Variants in ARHGAP42 observed in about 807,000 individuals in gnomAD.
The protein encoded by ARHGAP42 is Rho GTPase activating protein 42.
Under a neutral mutation model 125.0 loss-of-function variants are expected in ARHGAP42, and 63 were observed. The observed-to-expected ratio is 0.50, with a 90% CI of 0.41 to 0.62. ARHGAP42 has a LOEUF of 0.62. Ranked by LOEUF, ARHGAP42 falls within the 20% of genes least tolerant of loss-of-function variation. The pLI is 0.00. For synonymous variants in ARHGAP42, 339 were observed against 351.0 expected, an observed-to-expected ratio of 0.97 and a Z score of 0.38; for missense variants, 766 against 1,024.2, an observed-to-expected ratio of 0.75 and a Z score of 3.44.
At chr11:100,968,896 C>T (rs755059332) in intron 17 of ARHGAP42, among the ~76,000 whole-genome samples, 6 of 150,808 alleles carry the variant, frequency 4.0e-5, no homozygotes, top group Non-Finnish European at 7.4e-5. Flanking sequence ...TATATTTCTA[C>T]TCTTTTAATT....
chr11:100,894,261 A>C (rs574908545), intron 4 of ARHGAP42, among the ~76,000 whole-genome samples: 3 of 152,226 alleles, frequency 2.0e-5, no homozygotes, highest in Non-Finnish European at 4.4e-5. Flanking sequence ...AGTTGTAAAC[A>C]TAGTCTAGAC....
rs115204188 is a variant in ARHGAP42 at position 100,770,566 on chromosome 11, G to T, written c.250+128G>T. The stretch of plus-strand genomic sequence containing the variant: ...TGACAATACTATAAGAGTGATTTTA[G>T]GTTTCTATGGAAGAAATTTTTTCTT... On this transcript the variant is annotated intron_variant, in intron 2 of 23. Transcript: ENST00000298815. 3,202 of 721,260 alleles carry T rather than the reference G, an allele frequency of 4.4e-3. 75 individuals carry two copies. In the African/African-American group the frequency reaches 0.055, roughly 12 times the overall value. 44.7% of individuals were successfully genotyped at this position (721,260 alleles called of 1,614,324 possible). A position where few individuals can be genotyped will look rare whatever the true frequency, so the allele number is the denominator to read the frequency against.
chr11:100,871,948 G>A lies in ARHGAP42; in HGVS notation c.384+12323G>A, dbSNP rs193106239. On this transcript the variant is annotated intron_variant, in intron 4 of 23. Transcript: ENST00000298815. Reference sequence around the variant, plus strand: ...AGTAGAGATGAGGTTTCTCCATGTTGGTCAGGCTGGTCTCGAACTCCTGAC... The same window carrying A: ...AGTAGAGATGAGGTTTCTCCATGTTAGTCAGGCTGGTCTCGAACTCCTGAC... Among the ~76,000 whole-genome samples, 87 of 152,274 alleles carry A rather than the reference G, an allele frequency of 5.7e-4. 2 individuals carry two copies. In the East Asian group the frequency reaches 0.015, roughly 27 times the overall value.
At chr11:100,817,999 A>G (rs980153759) in intron 3 of ARHGAP42, among the ~76,000 whole-genome samples, 2 of 152,208 alleles carry the variant, frequency 1.3e-5, no homozygotes, top group African/African-American at 4.8e-5. Flanking sequence ...TTTGTGAAAC[A>G]GTAGTTTTGT....
At chr11:100,940,408 G>A (rs1056773654) in intron 8 of ARHGAP42, among the ~76,000 whole-genome samples, 9 of 152,064 alleles carry the variant, frequency 5.9e-5, no homozygotes, top group African/African-American at 1.4e-4. Context: ...CTCCATTTTC[G>A]ATCCACTCAG....
Position 100,849,872 on chromosome 11 carries a change from G to A in ARHGAP42, c.313-9682G>A, listed in dbSNP as rs1007792271. Reference sequence around the variant, plus strand: ...GACATAAACATCCCAAGTAAGTGTTGTTCCAGGGAAAGTGAACTAGGAAAA... The same window carrying A: ...GACATAAACATCCCAAGTAAGTGTTATTCCAGGGAAAGTGAACTAGGAAAA... On this transcript the variant is annotated intron_variant, in intron 3 of 23. Coordinates refer to ENST00000298815, the MANE Select transcript of ARHGAP42 (RefSeq NM_152432.4). Among the ~76,000 whole-genome samples, 6 of 152,112 alleles carry A rather than the reference G, an allele frequency of 3.9e-5. 1 individual carries two copies. Among genetic ancestry groups the A allele is most frequent in the Admixed American group, 3.9e-4 (6 of 15,268 alleles).
At chr11:100,931,409 A>G (rs946237453) in intron 6 of ARHGAP42, among the ~76,000 whole-genome samples, 11 of 152,228 alleles carry the variant, frequency 7.2e-5, no homozygotes, top group African/African-American at 2.2e-4. Flanking sequence ...GCTTCTGAAA[A>G]TATCAGTGTG....
At chr11:100,921,398 T>G (rs1867264065) in intron 5 of ARHGAP42, 96 bp from the exon 6 acceptor site, 2 of 934,570 alleles carry the variant, frequency 2.1e-6, no homozygotes, top group South Asian at 3.2e-5. Context: ...GTTAAACTTT[T>G]TGTAGGAGTT....
At chr11:100,858,922 AGT>A (rs1345092516) in intron 3 of ARHGAP42, among the ~76,000 whole-genome samples, 1 of 152,094 alleles carries the variant, frequency 6.6e-6, no homozygotes, top group Non-Finnish European at 1.5e-5. Context: ...CCATTGTAGT[AGT>A]CTTACAGATC....
At chr11:100,972,595 C>T (rs1858278656) in intron 17 of ARHGAP42, among the ~76,000 whole-genome samples, 1 of 151,976 alleles carries the variant, frequency 6.6e-6, no homozygotes, top group Non-Finnish European at 1.5e-5. Flanking sequence ...TGATCTATCC[C>T]AGGAGCTCAA....
chr11:100,775,653 T>A (rs1403379601), intron 2 of ARHGAP42, among the ~76,000 whole-genome samples: 1 of 152,230 alleles, frequency 6.6e-6, no homozygotes, highest in Non-Finnish European at 1.5e-5. Flanking sequence ...TGAATCTGCC[T>A]ATGAGACGGG....
chr11:100,967,190 G>A (rs931789838), intron 17 of ARHGAP42, among the ~76,000 whole-genome samples: 5 of 152,108 alleles, frequency 3.3e-5, no homozygotes, highest in Non-Finnish European at 7.4e-5. Context: ...TACCTAGATT[G>A]GGATTCCAAA....
Position 100,967,912 on chromosome 11 carries a change from C to T in ARHGAP42, c.1550+2136C>T, listed in dbSNP as rs528697544. 1.6e-3 allele frequency among the ~76,000 whole-genome samples: 249 copies of T among 152,162 alleles called. 1 individual carries two copies. The highest frequency in any genetic ancestry group is 2.2e-3 in the Non-Finnish European group (152 of 68,008). ...CTAAATTTTGCATTTTTAGTAGAGA[C>T]GGGGTTTCACCACGTTGGCCAGGAT... is the stretch of plus-strand genomic sequence containing the variant. On this transcript the variant is annotated intron_variant, in intron 17 of 23. Transcript: ENST00000298815.
chr11:100,837,486 G>A (rs904314951), intron 3 of ARHGAP42, among the ~76,000 whole-genome samples: 2 of 151,822 alleles, frequency 1.3e-5, no homozygotes. Flanking sequence ...GTTTTATTGT[G>A]GAGTGAAAGC....
intron 3 of ARHGAP42, among the ~76,000 whole-genome samples, chr11:100,836,737 T>TC (rs1864796748): frequency 6.7e-6 from 1 of 149,456 alleles, no homozygotes; most frequent in East Asian, 1.9e-4. Flanking sequence ...TTTCTTTTTT[T>TC]TTTTTTTGGT....
intron 3 of ARHGAP42, among the ~76,000 whole-genome samples, chr11:100,845,679 G>A (rs1865049125): frequency 6.6e-6 from 1 of 152,076 alleles, no homozygotes; most frequent in South Asian, 2.1e-4. Context: ...AGAGATAGAA[G>A]CTTTTGAAAA....
chr11:100,969,469 A>G (rs1054798029), intron 17 of ARHGAP42, among the ~76,000 whole-genome samples: 5 of 152,088 alleles, frequency 3.3e-5, no homozygotes, highest in African/African-American at 9.7e-5. Context: ...TTCATCTGCT[A>G]CTGGTACTCC....
intron 4 of ARHGAP42, among the ~76,000 whole-genome samples, chr11:100,885,787 A>G (rs1343557717): frequency 2.6e-5 from 4 of 152,234 alleles, no homozygotes; most frequent in Admixed American, 2.6e-4. Flanking sequence ...TGCAACTGCA[A>G]GAATTAATAA....
chr11:100,730,288 T>G (rs1289567845), intron 1 of ARHGAP42, among the ~76,000 whole-genome samples: 1 of 152,194 alleles, frequency 6.6e-6, no homozygotes, highest in Non-Finnish European at 1.5e-5. Context: ...TTTTTTATCT[T>G]TCTACTCTCT....
Sources: allele counts gnomAD v4.1 joint callset (sites outside exome capture counted in the v4.1 genomes callset), GRCh38; gene constraint gnomAD v4.1.1; transcripts MANE v1.5; gene names NCBI Gene and HGNC (gene_info 2026-07-23, HGNC 2026-07-21).